FUBP3: variants seen among roughly 807,000 people sequenced by gnomAD.
The protein encoded by FUBP3 is far upstream element-binding protein 3.
FUBP3 carries 28 observed loss-of-function variants against 85.6 expected under a neutral mutation model. The observed-to-expected ratio is 0.33, with a 90% confidence interval of 0.24 to 0.45. The LOEUF (loss-of-function observed/expected upper bound fraction) is 0.45. Among genes scored for constraint, FUBP3 ranks in the 20% least tolerant of loss-of-function variants. The pLI is 1.00. For missense variants in FUBP3, 583 were observed against 755.1 expected (o/e 0.77, Z 2.67); for synonymous variants, 271 against 271.4 (o/e 1.00, Z 0.01).
intron 2 of FUBP3, among the ~76,000 whole-genome samples, chr9:130,603,875 A>G (rs527790975): frequency 2.6e-4 from 39 of 152,326 alleles, no homozygotes; most frequent in African/African-American, 9.4e-4. Flanking sequence ...GCACTTACGC[A>G]CAGTCCACAA....
chr9:130,587,358 C>T (rs2119007197), intron 1 of FUBP3, among the ~76,000 whole-genome samples: 1 of 152,296 alleles, frequency 6.6e-6, no homozygotes, highest in African/African-American at 2.4e-5. Flanking sequence ...CCACCCAGCC[C>T]AGCCTGTCAG....
intron 9 of FUBP3, among the ~76,000 whole-genome samples, chr9:130,621,720 T>C (rs1248563133): frequency 3.3e-5 from 5 of 149,270 alleles, no homozygotes; most frequent in Non-Finnish European, 7.4e-5. Context: ...GCCTGGCCAA[T>C]GTGGTGAAAC....
chr9:130,632,505 C>G (rs540655329), intron 16 of FUBP3, among the ~76,000 whole-genome samples: 1 of 152,346 alleles, frequency 6.6e-6, no homozygotes, highest in Admixed American at 6.5e-5. Flanking sequence ...CTCAGGCGGG[C>G]TGGGGACTCT....
intron 16 of FUBP3, among the ~76,000 whole-genome samples, 188 bp downstream of exon 16, chr9:130,632,466 A>C (rs1028257268): frequency 1.3e-5 from 2 of 152,218 alleles, no homozygotes; most frequent in African/African-American, 4.8e-5. Context: ...GCATGCTCAG[A>C]AAAAGGCCCC....
chr9:130,601,944 G>A (rs1831177687), intron 2 of FUBP3, among the ~76,000 whole-genome samples: 1 of 151,866 alleles, frequency 6.6e-6, no homozygotes, highest in African/African-American at 2.4e-5. Context: ...TGGGATTACA[G>A]GCGTGCGCCA....
intron 9 of FUBP3, 33 bp downstream of exon 9, chr9:130,620,491 A>G (rs751996565): frequency 9.3e-7 from 1 of 1,074,056 alleles, no homozygotes; most frequent in Non-Finnish European, 1.4e-6. Flanking sequence ...TAGGCAAATG[A>G]GATGAGGACT....
chr9:130,612,487 G>A lies in FUBP3; in HGVS notation c.256G>A (p.Asp86Asn). The change falls in exon 4 of 19, where the codon GAC becomes AAC. Residue 86 changes from aspartate to asparagine, a missense_variant. By Grantham distance (23) the Asp-to-Asn change is conservative. Transcript: ENST00000319725. The surrounding 1 kb of genome is among the most constrained non-coding windows in gnomAD (Gnocchi z 4.1). ...TVITEEFKVP[D>N]KMVGFIIGRG... ...AATAACGGAAGAATTCAAAGTGCCT[G>A]ACAAAATGGTTGGATTTAGTAAGTA... The A allele has an allele frequency of 6.3e-7, 1 of 1,596,748 alleles. No homozygotes were observed. The highest frequency in any genetic ancestry group is 8.6e-7 in the Non-Finnish European group (1 of 1,165,136).
chr9:130,580,153 G>A (rs989657661), intron 1 of FUBP3, among the ~76,000 whole-genome samples: 8 of 152,222 alleles, frequency 5.3e-5, no homozygotes, highest in African/African-American at 1.9e-4. Flanking sequence ...CTGACGCCCA[G>A]TAGCTTGTTA....
At chr9:130,621,383 T>C (rs1759727496) in intron 9 of FUBP3, among the ~76,000 whole-genome samples, 1 of 152,004 alleles carries the variant, frequency 6.6e-6, no homozygotes, top group African/African-American at 2.4e-5. Flanking sequence ...GTCCCAGCTG[T>C]TCTAGAGGCT....
intron 2 of FUBP3, among the ~76,000 whole-genome samples, chr9:130,602,785 T>C (rs1228312403): frequency 6.6e-6 from 1 of 152,060 alleles, no homozygotes; most frequent in Non-Finnish European, 1.5e-5. Context: ...GATGAAGGCT[T>C]TCCAGGGGCG....
chr9:130,595,289 A>C (rs2119026322), intron 1 of FUBP3, among the ~76,000 whole-genome samples, 194 bp from the exon 2 acceptor site: 1 of 152,218 alleles, frequency 6.6e-6, no homozygotes, highest in South Asian at 2.1e-4. Context: ...AAAGTACTAA[A>C]GACAAGTTAT....
chr9:130,633,508 C>A (rs976023170), intron 16 of FUBP3, among the ~76,000 whole-genome samples: 1 of 152,242 alleles, frequency 6.6e-6, no homozygotes, highest in African/African-American at 2.4e-5. Flanking sequence ...GTGGAACGGG[C>A]AGAGGCCTGT....
intron 6 of FUBP3, among the ~76,000 whole-genome samples, chr9:130,614,671 G>C (rs1188932900): frequency 1.3e-5 from 2 of 152,298 alleles, no homozygotes; most frequent in South Asian, 4.2e-4. Context: ...TACCTGAGCA[G>C]GTCTGGATTA....
chr9:130,618,153 A>G (rs2119086416), intron 8 of FUBP3, among the ~76,000 whole-genome samples: 1 of 152,226 alleles, frequency 6.6e-6, no homozygotes, highest in South Asian at 2.1e-4. Flanking sequence ...GCCATATCTC[A>G]AATGCCCAGT....
rs536696942 is a variant in FUBP3, at chr9:130,611,122, C to T, written c.224+1135C>T. ...TTAGGGCCAAGGGCTGCCTGGGCTT[C>T]GTGACATTTTGTATTGCAGTAGTGT... is the stretch of plus-strand genomic sequence containing the variant. On this transcript the variant is annotated intron_variant, in intron 3 of 18. Coordinates refer to ENST00000319725, the MANE Select transcript of FUBP3 (RefSeq NM_003934.2). Among the ~76,000 whole-genome samples the T allele has an allele frequency of 3.9e-5, 6 of 152,280 alleles. No individual in the cohort carries two copies. In the South Asian group the frequency reaches 1.0e-3, roughly 26 times the overall value.
At chr9:130,592,991 G>T (rs1284229056) in intron 1 of FUBP3, among the ~76,000 whole-genome samples, 1 of 152,112 alleles carries the variant, frequency 6.6e-6, no homozygotes, top group East Asian at 1.9e-4. Flanking sequence ...AACATATCTA[G>T]TTCCTTCCAT....
At position 130,579,677 on chromosome 9, in the gene FUBP3, GGTAATGGC is replaced by G; in HGVS notation, c.-2_6del. 1 of 1,251,444 alleles carries G rather than the reference GGTAATGGC, an allele frequency of 8.0e-7. No individual in the cohort carries two copies. Among genetic ancestry groups the G allele is most frequent in the South Asian group, 3.9e-5 (1 of 25,466 alleles). The allele number at this position is 1,251,444 out of a possible 1,614,324, so 77.5% of individuals were successfully genotyped here. On this transcript the variant is annotated start_lost and 5_prime_UTR_variant, in exon 1 of 19. Transcript: ENST00000319725. ...CGGCGGCGGCGACGGCGGCGGGGGC[GGTAATGGC>G]GGAGCTGGTGCAGGGGCAGAGCGCT... is the stretch of plus-strand genomic sequence containing the variant.
Position 130,620,344 on chromosome 9 carries a change from G to T in FUBP3, c.667-10G>T, listed in dbSNP as rs764532217. On this transcript the variant is annotated splice_polypyrimidine_tract_variant and intron_variant, in intron 8 of 18. Coordinates refer to ENST00000319725, the MANE Select transcript of FUBP3 (RefSeq NM_003934.2). ...TTTTCTCATAATGCTTTTTGTTTGT[G>T]TTTATGCAGCAAGCAAGAGAAATGG... is the stretch of plus-strand genomic sequence containing the variant. The T allele has an allele frequency of 2.7e-6, 4 of 1,505,296 alleles. No homozygotes were observed. In the Admixed American group the frequency reaches 6.0e-5, roughly 22 times the overall value. 93.2% of individuals were successfully genotyped at this position (1,505,296 alleles called of 1,614,324 possible). A position where few individuals can be genotyped will look rare whatever the true frequency, so the allele number is the denominator to read the frequency against.
At chr9:130,618,552 A>C (rs900840248) in intron 8 of FUBP3, among the ~76,000 whole-genome samples, 19 of 151,824 alleles carry the variant, frequency 1.3e-4, no homozygotes, top group African/African-American at 4.6e-4. Flanking sequence ...TGTCCTTCCA[A>C]CTCTTGCTAG....
Sources: gnomAD v4.1 joint callset for allele counts (sites outside exome capture counted in the v4.1 genomes callset) on GRCh38, gnomAD v4.1.1 for gene constraint, Gnocchi (gnomAD v3.1) non-coding constraint, MANE v1.5 for transcripts, NCBI Gene and HGNC (gene_info 2026-07-23, HGNC 2026-07-21) for gene names.